The following PDE4D variants were observed in gnomAD, a reference collection of about 807,000 sequenced individuals.
PDE4D encodes the protein 3',5'-cyclic-AMP phosphodiesterase 4D.
In PDE4D, 24 loss-of-function variants were observed where a neutral mutation model predicts 87.4. The observed-to-expected ratio is 0.27, with a 90% CI of 0.20 to 0.39. The LOEUF is 0.39. Ranked by LOEUF, PDE4D falls within the 10% of genes least tolerant of loss-of-function variation. PDE4D has a pLI of 1.00. For synonymous variants in PDE4D, 384 were observed against 383.2 expected (o/e 1.00, Z -0.02); for missense variants, 714 against 1,041.0 (o/e 0.69, Z 4.32).
intron 1 of PDE4D, among the ~76,000 whole-genome samples, chr5:60,403,479 T>C (rs769851783): frequency 3.3e-5 from 5 of 152,236 alleles, no homozygotes; most frequent in Non-Finnish European, 5.9e-5. Context: ...GAGTGTCCAA[T>C]ATATACAAGG....
intron 1 of PDE4D, among the ~76,000 whole-genome samples, chr5:60,379,135 A>G (rs1348674033): frequency 2.6e-5 from 4 of 151,632 alleles, no homozygotes; most frequent in African/African-American, 9.7e-5. Context: ...CCCTATTGGC[A>G]CTGAATTTGG....
chr5:59,342,315 T>A (rs141842048), intron 1 of PDE4D, among the ~76,000 whole-genome samples: 2 of 152,280 alleles, frequency 1.3e-5, no homozygotes, highest in African/African-American at 4.8e-5. Context: ...ATTCCTTATC[T>A]CTGACAAATA....
At chr5:59,635,519 C>A (rs975235790) in intron 1 of PDE4D, among the ~76,000 whole-genome samples, 1 of 152,222 alleles carries the variant, frequency 6.6e-6, no homozygotes, top group East Asian at 1.9e-4. Context: ...AATCCAGCAA[C>A]GCATTAAAAA....
intron 1 of PDE4D, among the ~76,000 whole-genome samples, chr5:59,749,202 G>C (rs2150715301): frequency 6.6e-6 from 1 of 152,274 alleles, no homozygotes; most frequent in East Asian, 1.9e-4. Flanking sequence ...TCAATTCTCA[G>C]TTCTTATTTT....
At chr5:59,833,678 G>C (rs750512433) in intron 1 of PDE4D, among the ~76,000 whole-genome samples, 2 of 151,876 alleles carry the variant, frequency 1.3e-5, no homozygotes, top group Non-Finnish European at 2.9e-5. Flanking sequence ...GGTCGGTCAG[G>C]GTGGTGATGT....
chr5:60,319,661 G>C (rs899601193), intron 1 of PDE4D, among the ~76,000 whole-genome samples: 1 of 152,124 alleles, frequency 6.6e-6, no homozygotes, highest in African/African-American at 2.4e-5. Flanking sequence ...ATGAGGTTTT[G>C]GTGTGGATGT....
chr5:59,865,813 T>G (rs1746934623), intron 1 of PDE4D, among the ~76,000 whole-genome samples: 1 of 152,184 alleles, frequency 6.6e-6, no homozygotes, highest in African/African-American at 2.4e-5. Context: ...ATGTAAGTTC[T>G]GCTATTACCA....
At chr5:59,282,704 C>T (rs1218795785) in intron 1 of PDE4D, among the ~76,000 whole-genome samples, 1 of 131,568 alleles carries the variant, frequency 7.6e-6, no homozygotes, top group African/African-American at 2.8e-5. Context: ...TAAATGAACA[C>T]AAGATGTGTT....
chr5:60,009,061 A>G (rs1386767624), intron 2 of PDE4D, among the ~76,000 whole-genome samples: 2 of 152,030 alleles, frequency 1.3e-5, no homozygotes, highest in African/African-American at 4.8e-5. Flanking sequence ...GCCAATTACT[A>G]GAGGTCTCTC....
chr5:59,028,693 T>C (rs1756693875), intron 6 of PDE4D, among the ~76,000 whole-genome samples: 1 of 152,032 alleles, frequency 6.6e-6, no homozygotes, highest in East Asian at 1.9e-4. Flanking sequence ...ATTTTATGAA[T>C]TGGAATATTT....
intron 1 of PDE4D, among the ~76,000 whole-genome samples, chr5:59,690,213 A>C (rs1285584256): frequency 6.6e-6 from 1 of 152,216 alleles, no homozygotes; most frequent in Non-Finnish European, 1.5e-5. Context: ...ATTGGAAAAA[A>C]ACTACTTTAA....
chr5:59,489,486 C>T (rs1582836803), intron 1 of PDE4D, among the ~76,000 whole-genome samples: 1 of 152,084 alleles, frequency 6.6e-6, no homozygotes, highest in African/African-American at 2.4e-5. Context: ...TTTAGACCTC[C>T]ATATTTCTCT....
intron 1 of PDE4D, among the ~76,000 whole-genome samples, chr5:60,381,035 C>A (rs1761822472): frequency 6.6e-6 from 1 of 152,184 alleles, no homozygotes; most frequent in African/African-American, 2.4e-5. Context: ...TGAACTTAGG[C>A]CAGCTCCTGA....
At chr5:60,035,091 A>G (rs13190306) in intron 2 of PDE4D, among the ~76,000 whole-genome samples, 44,455 of 151,934 alleles carry the variant, frequency 0.29, 7,262 homozygotes, top group East Asian at 0.74. Context: ...CCCAGTCTCT[A>G]TTAAAAATAC....
chr5:60,004,732 AT>A (rs1213677735), intron 2 of PDE4D, among the ~76,000 whole-genome samples: 49 of 152,184 alleles, frequency 3.2e-4, no homozygotes, highest in Admixed American at 3.2e-3. Context: ...GTTCACCATC[AT>A]TAATCACCAG....
At chr5:59,241,562 G>T (rs974425039) in intron 1 of PDE4D, among the ~76,000 whole-genome samples, 5 of 152,188 alleles carry the variant, frequency 3.3e-5, no homozygotes, top group African/African-American at 1.2e-4. Flanking sequence ...CCAGCTTAAG[G>T]ACACACACAA....
At chr5:59,841,660 C>T (rs1272167575) in intron 1 of PDE4D, among the ~76,000 whole-genome samples, 1 of 151,922 alleles carries the variant, frequency 6.6e-6, no homozygotes, top group African/African-American at 2.4e-5. Context: ...GAGATGAGGG[C>T]TATGACAGAG....
intron 1 of PDE4D, among the ~76,000 whole-genome samples, chr5:59,576,394 A>G (rs1823156382): frequency 6.6e-6 from 1 of 152,174 alleles, no homozygotes; most frequent in Admixed American, 6.5e-5. Context: ...TATTATCTGT[A>G]TTATTTTTTA....
intron 1 of PDE4D, among the ~76,000 whole-genome samples, chr5:59,660,407 CCTTTT>C (rs1561424531): frequency 1.3e-5 from 2 of 152,062 alleles, no homozygotes. Flanking sequence ...AAAACCACTT[CCTTTT>C]ATTTATTTTT....
Sources: allele counts gnomAD v4.1 joint callset (sites outside exome capture counted in the v4.1 genomes callset), GRCh38; gene constraint gnomAD v4.1.1; transcripts MANE v1.5; gene names NCBI Gene and HGNC (gene_info 2026-07-23, HGNC 2026-07-21).